The following ACP1 variants were observed in gnomAD, a reference collection of about 807,000 sequenced individuals.
ACP1 encodes the protein acid phosphatase 1.
A neutral mutation model predicts 23.4 loss-of-function variants in ACP1; 23 were observed. The ratio of observed to expected loss-of-function variants is 0.98; its 90% CI spans 0.71 to 1.39. The LOEUF (loss-of-function observed/expected upper bound fraction) is 1.39. Ranked by LOEUF, ACP1 falls within the 40% of genes most tolerant of loss-of-function variation. The probability of loss-of-function intolerance (pLI) is 0.00; values close to 1 mark genes in which losing one functional copy is unlikely to be tolerated. For missense variants in ACP1, 180 were observed against 197.7 expected, an observed-to-expected ratio of 0.91 and a Z score of 0.54; for synonymous variants, 72 against 67.2, an observed-to-expected ratio of 1.07 and a Z score of -0.35.
intron 1 of ACP1, among the ~76,000 whole-genome samples, chr2:270,145 T>G (rs1443484635): frequency 6.6e-6 from 1 of 152,240 alleles, no homozygotes; most frequent in Non-Finnish European, 1.5e-5. Flanking sequence ...TTTGGTAACT[T>G]GTAGGAAGGG....
Position 272,057 on chromosome 2 carries a change from A to G in ACP1, c.138A>G (p.Ala46=). 1 of 1,613,868 alleles carries G rather than the reference A, an allele frequency of 6.2e-7. No homozygotes were observed. Among genetic ancestry groups the G allele is most frequent in the East Asian group, 2.2e-5 (1 of 44,866 alleles). ...ISENWRVDSA[A]TSGYEIGNPP... is the part of the protein sequence containing the mutation. ...TGCAGTGGAGGGTAGACAGCGCGGC[A>G]ACTTCCGGGTATGAGATAGGGAACC... Residue 46 remains alanine (A), a synonymous_variant, in exon 3 of 6, where the codon GCA becomes GCG. Coordinates refer to ENST00000272065, the MANE Select transcript of ACP1 (RefSeq NM_004300.4).
rs370285099 is a variant in ACP1 at position 277,385 on chromosome 2, G to A, written c.*81G>A. Reference sequence around the variant, plus strand: ...CATTTCTCAGTCGGTGTGTAATCACGTTCCAGGGCCCAAAGCCCAGCTCTT... The same window carrying A: ...CATTTCTCAGTCGGTGTGTAATCACATTCCAGGGCCCAAAGCCCAGCTCTT... On this transcript the variant is annotated 3_prime_UTR_variant, in exon 6 of 6. Transcript: ENST00000272065. 2.4e-5 allele frequency: 30 copies of A among 1,251,354 alleles called. No individual in the cohort carries two copies. Among genetic ancestry groups the A allele is most frequent in the African/African-American group, 1.0e-4 (7 of 68,026 alleles). The allele number at this position is 1,251,354 out of a possible 1,614,324, so 77.5% of individuals were successfully genotyped here.
At chr2:274,355 C>T (rs1016039729) in intron 3 of ACP1, among the ~76,000 whole-genome samples, 7 of 152,120 alleles carry the variant, frequency 4.6e-5, no homozygotes, top group Admixed American at 2.0e-4. Flanking sequence ...GTTTATGTTT[C>T]TTATTCTGCC....
At chr2:267,002 C>G (rs142154806) in intron 1 of ACP1, among the ~76,000 whole-genome samples, 2 of 152,268 alleles carry the variant, frequency 1.3e-5, no homozygotes, top group East Asian at 3.9e-4. Context: ...GGTGGATAGA[C>G]AGCATGGATA....
intron 3 of ACP1, chr2:272,550 C>T (rs1202375459): frequency 8.0e-7 from 1 of 1,256,736 alleles, no homozygotes; most frequent in Non-Finnish European, 1.1e-6. Context: ...TGACTGTGAG[C>T]TGGGGCTGAG....
Position 277,013 on chromosome 2 carries a change from C to T in ACP1, c.327C>T (p.Thr109=). The T allele has an allele frequency of 1.9e-6, 3 of 1,610,712 alleles. No homozygotes were observed. The highest frequency in any genetic ancestry group is 2.5e-6 in the Non-Finnish European group (3 of 1,178,494). Residue 109 remains threonine (T), a synonymous_variant, in exon 5 of 6, where the codon ACC becomes ACT. Transcript: ENST00000272065. The part of the protein sequence containing the change: ...DLNRKSNQVK[T]CKAKIELLGS... ...ATAGAAAAAGTAATCAAGTTAAAAC[C>T]TGCAAAGCTAAAATTGAACTACTTG...
In ACP1 at chr2:277,489, A is replaced by C. The variant is rs1670208202; in HGVS notation, c.*185A>C. The C allele has an allele frequency of 3.2e-6, 2 of 615,608 alleles. No individual in the cohort carries two copies. Among genetic ancestry groups the C allele is most frequent in the African/African-American group, 3.7e-5 (2 of 54,140 alleles). The allele number at this position is 615,608 out of a possible 1,614,324, so 38.1% of individuals were successfully genotyped here. A position where few individuals can be genotyped will look rare whatever the true frequency, so the allele number is the denominator to read the frequency against. On this transcript the variant is annotated 3_prime_UTR_variant, in exon 6 of 6. Transcript: ENST00000272065. ...AGTTGTGTTTGGCAGGAGAATCAAT[A>C]AAAATCTTTGATTCAGACAGCTTAT...
At chr2:274,210 A>G (rs1670114271) in intron 3 of ACP1, among the ~76,000 whole-genome samples, 1 of 152,174 alleles carries the variant, frequency 6.6e-6, no homozygotes, top group South Asian at 2.1e-4. Flanking sequence ...CTCAATTTTG[A>G]AATAAGTCAA....
chr2:264,949 C>G lies in ACP1; in HGVS notation c.-16C>G. Reference sequence around the variant, plus strand: ...GCGGAACGCCGCGGTGTCTCGGCGCCTCTGCGCGCGGGAAGATGGCGGAAC... The same window carrying G: ...GCGGAACGCCGCGGTGTCTCGGCGCGTCTGCGCGCGGGAAGATGGCGGAAC... On this transcript the variant is annotated 5_prime_UTR_variant, in exon 1 of 6. Coordinates refer to ENST00000272065, the MANE Select transcript of ACP1 (RefSeq NM_004300.4). 1 of 1,612,068 alleles carries G rather than the reference C, an allele frequency of 6.2e-7. No homozygotes were observed. The highest frequency in any genetic ancestry group is 8.5e-7 in the Non-Finnish European group (1 of 1,179,084).
intron 3 of ACP1, among the ~76,000 whole-genome samples, chr2:274,008 TA>T (rs1053951059): frequency 1.3e-5 from 2 of 152,042 alleles, no homozygotes; most frequent in Admixed American, 6.5e-5. Flanking sequence ...AAAAAAATTT[TA>T]AAAATTAGCT....
intron 3 of ACP1, chr2:273,263 T>C (rs898774503): frequency 1.6e-4 from 25 of 152,306 alleles, no homozygotes; most frequent in African/African-American, 5.3e-4. Context: ...TATTGTTGCA[T>C]TGGGGATGAA....
chr2:271,002 A>G (rs552952543), intron 1 of ACP1, among the ~76,000 whole-genome samples: 48 of 152,258 alleles, frequency 3.2e-4, no homozygotes, highest in African/African-American at 1.1e-3. Context: ...TTGCTGGTCT[A>G]AAGTAAGGAT....
chr2:266,449 A>G (rs1403654037), intron 1 of ACP1: 1 of 152,222 alleles, frequency 6.6e-6, no homozygotes, highest in Non-Finnish European at 1.5e-5. Flanking sequence ...ATTGTCGATT[A>G]TGCTGGCATA....
rs767447123 is a variant in ACP1, at chr2:277,355, T to C, written c.*51T>C. ...AGCCTGACTAGACCCCACCCTGAGG[T>C]CCTGCATTTCTCAGTCGGTGTGTAA... On this transcript the variant is annotated 3_prime_UTR_variant, in exon 6 of 6. Transcript: ENST00000272065. 5 of 1,518,912 alleles carry C rather than the reference T, an allele frequency of 3.3e-6. No homozygotes were observed. Among genetic ancestry groups the C allele is most frequent in the Admixed American group, 1.7e-5 (1 of 59,896 alleles). The allele number at this position is 1,518,912 out of a possible 1,614,324, so 94.1% of individuals were successfully genotyped here. A position where few individuals can be genotyped will look rare whatever the true frequency, so the allele number is the denominator to read the frequency against.
chr2:274,502 T>C (rs1373264346), intron 3 of ACP1: 1 of 152,384 alleles, frequency 6.6e-6, no homozygotes, highest in Non-Finnish European at 1.5e-5. Context: ...CATTCTCTTC[T>C]GTGTGAGGTT....
intron 1 of ACP1, among the ~76,000 whole-genome samples, chr2:270,581 A>G (rs1670000738): frequency 6.6e-6 from 1 of 151,874 alleles, no homozygotes; most frequent in Admixed American, 6.6e-5. Context: ...ATCAGCATTC[A>G]TTTTCCCACT....
chr2:265,026 A>T lies in ACP1; in HGVS notation c.43+19A>T. ...TGTCTGGGTAAGAGGGCGCCGACTT[A>T]CTCATGTTCTGACGTCCTCTGGAGA... is the stretch of plus-strand genomic sequence containing the variant. On this transcript the variant is annotated intron_variant, in intron 1 of 5. Transcript: ENST00000272065. The T allele has an allele frequency of 6.2e-7, 1 of 1,611,390 alleles. No individual in the cohort carries two copies. The highest frequency in any genetic ancestry group is 1.1e-5 in the South Asian group (1 of 90,748).
intron 4 of ACP1, among the ~76,000 whole-genome samples, chr2:276,340 C>T (rs1287137530): frequency 6.6e-6 from 1 of 152,210 alleles, no homozygotes; most frequent in Admixed American, 6.5e-5. Flanking sequence ...TGTAAAACTT[C>T]GTGCATGGGA....
chr2:276,215 G>A (rs1670167762), intron 4 of ACP1, among the ~76,000 whole-genome samples: 1 of 152,084 alleles, frequency 6.6e-6, no homozygotes, highest in African/African-American at 2.4e-5. Flanking sequence ...TGCCCCTCGT[G>A]GGTCAGCTTA....
Sources: gnomAD v4.1 joint callset for allele counts (sites outside exome capture counted in the v4.1 genomes callset) on GRCh38, gnomAD v4.1.1 for gene constraint, MANE v1.5 for transcripts, NCBI Gene and HGNC (gene_info 2026-07-23, HGNC 2026-07-21) for gene names.